EPB41: variants seen among roughly 807,000 people sequenced by gnomAD.
EPB41 encodes protein 4.1.
Under a neutral mutation model 108.0 loss-of-function variants are expected in EPB41, and 65 were observed. The observed-to-expected ratio is 0.60, with a 90% CI of 0.49 to 0.74. The LOEUF is 0.74. Among genes scored for constraint, EPB41 ranks in the 30% least tolerant of loss-of-function variants. The pLI is 0.00. For synonymous variants in EPB41, 336 were observed against 358.9 expected, an observed-to-expected ratio of 0.94 and a Z score of 0.72; for missense variants, 875 against 1,037.0, an observed-to-expected ratio of 0.84 and a Z score of 2.15.
chr1:29,098,852 T>G (rs978348103), intron 17 of EPB41, among the ~76,000 whole-genome samples: 2 of 151,900 alleles, frequency 1.3e-5, no homozygotes, highest in Non-Finnish European at 2.9e-5. Flanking sequence ...GTTCAAGTGA[T>G]TCTCCTGCCT....
chr1:28,902,287 A>G (rs2091391532), intron 1 of EPB41: 5 of 985,242 alleles, frequency 5.1e-6, no homozygotes, highest in Non-Finnish European at 6.0e-6. Context: ...ATCAGTTTCA[A>G]TTGGAGTGCC....
At chr1:29,002,619 G>GT (rs2096319051) in intron 4 of EPB41, among the ~76,000 whole-genome samples, 2 of 152,148 alleles carry the variant, frequency 1.3e-5, no homozygotes, top group South Asian at 4.1e-4. Flanking sequence ...AAAGAACAGT[G>GT]TATCTTTTAC....
intron 1 of EPB41, among the ~76,000 whole-genome samples, chr1:28,965,387 CT>C (rs1348384342): frequency 6.6e-6 from 1 of 151,434 alleles, no homozygotes; most frequent in East Asian, 1.9e-4. Context: ...TTTTTTAGAA[CT>C]TTTTTGAAAC....
Position 28,959,697 on chromosome 1 carries a change from G to A in EPB41, c.-7-27734G>A, listed in dbSNP as rs539423013. On this transcript the variant is annotated intron_variant, in intron 1 of 20. Transcript: ENST00000343067. Reference sequence around the variant, plus strand: ...ACATATAGTTAAATGCAGAGGTAGAGGTAGACTTGACAGGATTTGGCAAGT... The same window carrying A: ...ACATATAGTTAAATGCAGAGGTAGAAGTAGACTTGACAGGATTTGGCAAGT... 2.0e-3 allele frequency among the ~76,000 whole-genome samples: 304 copies of A among 152,218 alleles called. 1 individual carries two copies. The highest frequency in any genetic ancestry group is 6.9e-3 in the African/African-American group (285 of 41,536).
At chr1:29,108,148 C>CT (rs544874657) in intron 17 of EPB41, among the ~76,000 whole-genome samples, 3,248 of 129,110 alleles carry the variant, frequency 0.025, 62 homozygotes, top group East Asian at 0.059. Flanking sequence ...CCTCTTATTT[C>CT]TTTTTTTTTT....
intron 7 of EPB41, among the ~76,000 whole-genome samples, chr1:29,029,490 G>A (rs554580640): frequency 3.9e-5 from 6 of 152,176 alleles, no homozygotes; most frequent in Non-Finnish European, 8.8e-5. Context: ...GTAGCTTGAG[G>A]CAGTCTTATG....
At chr1:29,076,029 A>G (rs1297134762) in intron 16 of EPB41, among the ~76,000 whole-genome samples, 1 of 152,204 alleles carries the variant, frequency 6.6e-6, no homozygotes, top group African/African-American at 2.4e-5. Flanking sequence ...TTAAGTGAAA[A>G]TCTGTTTCCC....
intron 1 of EPB41, chr1:28,982,664 G>T: frequency 1.3e-6 from 1 of 794,332 alleles, no homozygotes; most frequent in Non-Finnish European, 2.2e-6. Flanking sequence ...GTTTTTGATT[G>T]ATCTTAAGAC....
intron 14 of EPB41, among the ~76,000 whole-genome samples, chr1:29,060,084 G>T (rs947691872): frequency 6.6e-6 from 1 of 152,038 alleles, no homozygotes; most frequent in Non-Finnish European, 1.5e-5. Context: ...GAGTTTCAGC[G>T]TTTTTTAGTC....
At position 29,015,679 on chromosome 1, in the gene EPB41, T is replaced by G. The variant is rs376957446; in HGVS notation, c.830-13T>G. 39 of 1,570,092 alleles carry G rather than the reference T, an allele frequency of 2.5e-5. No homozygotes were observed. The East Asian group carries it at 8.3e-4, about 33-fold the overall frequency. On this transcript the variant is annotated splice_polypyrimidine_tract_variant and intron_variant, in intron 5 of 20. Coordinates refer to ENST00000343067, the MANE Select transcript of EPB41 (RefSeq NM_001376013.1). ...GGTATAAACGTAAAATTCTTTTGTG[T>G]TTATTTTTATAGGTGTCCCTTGGAA... is the stretch of plus-strand genomic sequence containing the variant.
chr1:29,066,208 C>CA (rs568817522), intron 16 of EPB41, among the ~76,000 whole-genome samples: 94 of 152,076 alleles, frequency 6.2e-4, no homozygotes, highest in African/African-American at 2.2e-3. Flanking sequence ...ATCATGAGGT[C>CA]AGGAGTTCGA....
intron 16 of EPB41, among the ~76,000 whole-genome samples, chr1:29,077,744 T>C (rs559131619): frequency 5.3e-5 from 8 of 152,322 alleles, no homozygotes; most frequent in African/African-American, 1.7e-4. Context: ...CCACTCAGCT[T>C]TGCCATTGTA....
chr1:29,033,852 C>G (rs1558093139), intron 9 of EPB41, among the ~76,000 whole-genome samples: 1 of 152,142 alleles, frequency 6.6e-6, no homozygotes, highest in Non-Finnish European at 1.5e-5. Context: ...TTAAAAAGTT[C>G]TGACTTCTTT....
chr1:28,922,647 A>C (rs1438073745), intron 1 of EPB41, among the ~76,000 whole-genome samples: 1 of 126,760 alleles, frequency 7.9e-6, no homozygotes, highest in Non-Finnish European at 1.7e-5. Context: ...TTTTTTTTCG[A>C]GATTGAGTCT....
chr1:29,008,980 C>CATGTCCT (rs562176471), intron 4 of EPB41, among the ~76,000 whole-genome samples: 54 of 152,360 alleles, frequency 3.5e-4, no homozygotes, highest in South Asian at 2.9e-3. Context: ...CATTTTGGTG[C>CATGTCCT]ATGTCCTCTG....
chr1:28,963,838 T>C (rs767912504), intron 1 of EPB41, among the ~76,000 whole-genome samples: 1 of 152,182 alleles, frequency 6.6e-6, no homozygotes, highest in Non-Finnish European at 1.5e-5. Context: ...TTTTAGCACA[T>C]TTAAACTATT....
chr1:29,075,018 G>T (rs972910918), intron 16 of EPB41, among the ~76,000 whole-genome samples: 1 of 152,040 alleles, frequency 6.6e-6, no homozygotes, highest in Non-Finnish European at 1.5e-5. Flanking sequence ...TTAGCTGGGC[G>T]TGGTGATGGG....
intron 1 of EPB41, among the ~76,000 whole-genome samples, chr1:28,964,533 G>A (rs1341500639): frequency 4.6e-5 from 7 of 152,050 alleles, no homozygotes; most frequent in South Asian, 4.1e-4. Context: ...CCCAGGAGGC[G>A]GAGGTTGCAG....
chr1:28,902,102 G>A lies in EPB41; in HGVS notation c.-8+14892G>A, dbSNP rs531835087. 1.0e-5 allele frequency: 9 copies of A among 894,240 alleles called. No homozygotes were observed. The African/African-American group carries it at 1.6e-4, about 16-fold the overall frequency. The allele number at this position is 894,240 out of a possible 1,614,324, so 55.4% of individuals were successfully genotyped here. ...GGGTGTAAACTGATGACTATATGAA[G>A]CCTGTTCTCTCTGGATCTAGGAATA... On this transcript the variant is annotated intron_variant, in intron 1 of 16. Coordinates refer to the EPB41 transcript ENST00000347529.
Sources: allele counts gnomAD v4.1 joint callset (sites outside exome capture counted in the v4.1 genomes callset), GRCh38; gene constraint gnomAD v4.1.1; transcripts MANE v1.5; gene names NCBI Gene and HGNC (gene_info 2026-07-23, HGNC 2026-07-21).